The following CREB5 variants were observed in gnomAD, a reference collection of about 807,000 sequenced individuals.
CREB5 encodes the protein cAMP responsive element binding protein 5, also known as cyclic AMP-responsive element-binding protein 5.
CREB5 carries 19 observed loss-of-function variants against 57.1 expected under a neutral mutation model. The observed-to-expected ratio is 0.33, with a 90% confidence interval of 0.23 to 0.49. The LOEUF is 0.49. Ranked by LOEUF, CREB5 falls within the 20% of genes least tolerant of loss-of-function variation. The pLI, the probability that CREB5 is intolerant of heterozygous loss-of-function variation, is 0.99. For synonymous variants in CREB5, 238 were observed against 238.3 expected, an observed-to-expected ratio of 1.00 and a Z score of 0.01; for missense variants, 579 against 671.6, an observed-to-expected ratio of 0.86 and a Z score of 1.52.
intron 5 of CREB5, among the ~76,000 whole-genome samples, chr7:28,621,863 C>T (rs1797804193): frequency 6.6e-6 from 1 of 152,110 alleles, no homozygotes; most frequent in Admixed American, 6.6e-5. Context: ...ATGAAAATGG[C>T]TGATTTATTG....
chr7:28,686,413 G>A (rs972416574), intron 5 of CREB5, among the ~76,000 whole-genome samples: 12 of 149,684 alleles, frequency 8.0e-5, no homozygotes, highest in African/African-American at 2.2e-4. Context: ...TTTTCACTTC[G>A]ATCAGAGTTT....
chr7:28,445,149 C>T (rs951405640), intron 1 of CREB5, among the ~76,000 whole-genome samples: 3 of 152,328 alleles, frequency 2.0e-5, no homozygotes, highest in Middle Eastern at 3.4e-3. Context: ...CTTTGCTCCT[C>T]CTTCACTTTC....
At position 28,713,928 on chromosome 7, in the gene CREB5, A is replaced by T. The variant is rs990259659; in HGVS notation, c.465-4825A>T. 4.6e-5 allele frequency among the ~76,000 whole-genome samples: 7 copies of T among 151,636 alleles called. No homozygotes were observed. The South Asian group carries it at 1.5e-3, about 32-fold the overall frequency. On this transcript the variant is annotated intron_variant, in intron 5 of 10. Transcript: ENST00000357727. The stretch of plus-strand genomic sequence containing the variant: ...ATTATTTTTTCAATTTTTTTTCAAG[A>T]TTTCTTCGATATCTATGGTCTGTTA...
Position 28,342,943 on chromosome 7 carries a change from CT to C in CREB5, c.-25+43514del, listed in dbSNP as rs869289099. On this transcript the variant is annotated intron_variant, in intron 1 of 9. Coordinates refer to the CREB5 transcript ENST00000396299. ...TCTGGCTATTTTGAAATATGTAATA[CT>C]TTTTTTTTTTTCTTGAGATGGAGTC... 2.4e-3 allele frequency among the ~76,000 whole-genome samples: 355 copies of C among 147,146 alleles called. 2 individuals are homozygous for C. The highest frequency in any genetic ancestry group is 0.011 in the Middle Eastern group (3 of 282).
At chr7:28,393,545 T>G (rs1399688216) in intron 1 of CREB5, among the ~76,000 whole-genome samples, 2 of 152,242 alleles carry the variant, frequency 1.3e-5, no homozygotes, top group African/African-American at 2.4e-5. Flanking sequence ...AACTTTTGGC[T>G]TCTAGTCTGA....
chr7:28,640,177 G>A (rs770211086), intron 5 of CREB5, among the ~76,000 whole-genome samples: 3 of 152,134 alleles, frequency 2.0e-5, no homozygotes, highest in African/African-American at 4.8e-5. Flanking sequence ...AGATAATAAA[G>A]CAAGAGCCTC....
intron 5 of CREB5, among the ~76,000 whole-genome samples, chr7:28,580,429 C>CCACACACACACACACACACACA (rs70977058): frequency 1.4e-4 from 18 of 130,878 alleles, no homozygotes; most frequent in Non-Finnish European, 2.4e-4. Context: ...TCCCCCCCCA[C>CCACACACACACACACACACACA]CACACACACA....
intron 1 of CREB5, among the ~76,000 whole-genome samples, chr7:28,416,372 A>T (rs1480923585): frequency 6.6e-6 from 1 of 152,190 alleles, no homozygotes; most frequent in African/African-American, 2.4e-5. Flanking sequence ...TTTTTGTTTG[A>T]ATTAGCTGAC....
intron 1 of CREB5, among the ~76,000 whole-genome samples, chr7:28,319,003 C>T (rs1275297545): frequency 1.3e-5 from 2 of 152,108 alleles, no homozygotes; most frequent in South Asian, 2.1e-4. Flanking sequence ...AAAGGAAGCC[C>T]GCTTATCTGT....
intron 6 of CREB5, among the ~76,000 whole-genome samples, chr7:28,723,414 A>G (rs1471822905): frequency 6.6e-6 from 1 of 152,226 alleles, no homozygotes; most frequent in Admixed American, 6.5e-5. Context: ...TATTTGAACG[A>G]TGTTCATTTT....
intron 4 of CREB5, among the ~76,000 whole-genome samples, chr7:28,520,942 AGT>A (rs1377468367): frequency 6.6e-6 from 1 of 152,236 alleles, no homozygotes; most frequent in African/African-American, 2.4e-5. Flanking sequence ...GCATTAATAT[AGT>A]GTGTCTGTTT....
intron 6 of CREB5, among the ~76,000 whole-genome samples, chr7:28,719,859 A>C (rs1386963345): frequency 6.6e-6 from 1 of 152,168 alleles, no homozygotes; most frequent in Non-Finnish European, 1.5e-5. Context: ...CAAGAGATCG[A>C]GACCAGCCTG....
intron 4 of CREB5, among the ~76,000 whole-genome samples, chr7:28,548,483 AAAGAATAATTATAGT>A (rs1794499823): frequency 6.6e-6 from 1 of 152,224 alleles, no homozygotes; most frequent in South Asian, 2.1e-4. Flanking sequence ...CCCTAAAAGC[AAAGAATAATTATAGT>A]AAGATAATTA....
At chr7:28,631,701 T>G (rs1276988724) in intron 5 of CREB5, among the ~76,000 whole-genome samples, 1 of 152,170 alleles carries the variant, frequency 6.6e-6, no homozygotes, top group African/African-American at 2.4e-5. Flanking sequence ...TAATTCTGCC[T>G]TGTTGTGGAG....
chr7:28,800,319 G>A (rs778711756), intron 7 of CREB5, among the ~76,000 whole-genome samples: 1 of 151,672 alleles, frequency 6.6e-6, no homozygotes, highest in Non-Finnish European at 1.5e-5. Flanking sequence ...TGTGAAACGC[G>A]AAGGCCCCAT....
intron 4 of CREB5, among the ~76,000 whole-genome samples, chr7:28,542,355 T>C (rs902362373): frequency 1.3e-5 from 2 of 152,228 alleles, no homozygotes; most frequent in Non-Finnish European, 2.9e-5. Context: ...CTGCTTAATA[T>C]GTTTATGACC....
At chr7:28,716,696 G>A (rs1802707276) in intron 5 of CREB5, among the ~76,000 whole-genome samples, 1 of 152,114 alleles carries the variant, frequency 6.6e-6, no homozygotes, top group African/African-American at 2.4e-5. Context: ...ATTAAGACCG[G>A]AGGATATCAA....
intron 9 of CREB5, among the ~76,000 whole-genome samples, chr7:28,814,487 G>C (rs1809306029): frequency 6.6e-6 from 1 of 152,184 alleles, no homozygotes; most frequent in Non-Finnish European, 1.5e-5. Flanking sequence ...AGATTTAGAA[G>C]CATAAGAGGT....
intron 4 of CREB5, among the ~76,000 whole-genome samples, chr7:28,512,216 A>G (rs369035405): frequency 3.0e-4 from 46 of 152,342 alleles, no homozygotes; most frequent in African/African-American, 1.1e-3. Flanking sequence ...GGAGAAGACC[A>G]GCCTGGAGAT....
Sources: allele counts gnomAD v4.1 joint callset (sites outside exome capture counted in the v4.1 genomes callset), GRCh38; gene constraint gnomAD v4.1.1; transcripts MANE v1.5; gene names NCBI Gene and HGNC (gene_info 2026-07-23, HGNC 2026-07-21).